Variants in SLC14A2 observed in about 807,000 individuals in gnomAD.
SLC14A2 encodes the protein urea transporter 2.
SLC14A2 carries 91 observed loss-of-function variants against 104.6 expected under a neutral mutation model. The observed-to-expected ratio is 0.87, with a 90% CI of 0.73 to 1.04. SLC14A2 has a LOEUF of 1.04. Among genes scored for constraint, SLC14A2 ranks in the 50% least tolerant of loss-of-function variants. The probability of loss-of-function intolerance (pLI) is 0.00; values close to 1 mark genes in which losing one functional copy is unlikely to be tolerated. For missense variants in SLC14A2, 1,189 were observed against 1,156.0 expected (o/e 1.03, Z -0.41); for synonymous variants, 476 against 466.4 (o/e 1.02, Z -0.27).
intron 1 of SLC14A2, among the ~76,000 whole-genome samples, chr18:45,222,587 G>A (rs1446072270): frequency 6.6e-6 from 1 of 152,124 alleles, no homozygotes; most frequent in Non-Finnish European, 1.5e-5. Context: ...AAGGAGGGAG[G>A]TCAGAGAGAA....
At position 45,644,902 on chromosome 18, in the gene SLC14A2, GGTTT is replaced by G. The variant is rs1178402082; in HGVS notation, c.1351+746_1351+749del. 4.6e-5 allele frequency among the ~76,000 whole-genome samples: 7 copies of G among 152,248 alleles called. No homozygotes were observed. In the South Asian group the frequency reaches 1.5e-3, roughly 32 times the overall value. The stretch of plus-strand genomic sequence containing the variant: ...CTGGGATACATGTGCAGAACATGCA[GGTTT>G]GTTATATAGGTATATATGTGCCATG... On this transcript the variant is annotated intron_variant, in intron 10 of 19. Transcript: ENST00000255226.
At chr18:45,447,887 A>G (rs1218694803) in intron 1 of SLC14A2, among the ~76,000 whole-genome samples, 2 of 152,258 alleles carry the variant, frequency 1.3e-5, no homozygotes, top group East Asian at 3.8e-4. Flanking sequence ...AAGAATTACC[A>G]CTTCAGTGAG....
Position 45,553,518 on chromosome 18 carries a change from G to C in SLC14A2, c.-35+70196G>C, listed in dbSNP as rs146986605. 2.2e-3 allele frequency among the ~76,000 whole-genome samples: 341 copies of C among 152,314 alleles called. 10 individuals carry two copies. The highest frequency in any genetic ancestry group is 0.019 in the Admixed American group (294 of 15,308). ...GTTGAGATTTGAAGAGTCAAGAACA[G>C]CTGGAGATTGTAAGCAAAATGCCTG... On this transcript the variant is annotated intron_variant, in intron 2 of 20. Coordinates refer to the SLC14A2 transcript ENST00000586448.
At chr18:45,323,465 G>A (rs1388458551) in intron 1 of SLC14A2, among the ~76,000 whole-genome samples, 2 of 152,168 alleles carry the variant, frequency 1.3e-5, no homozygotes, top group African/African-American at 4.8e-5. Context: ...GAAGACGAAA[G>A]AGAAATGGAG....
chr18:45,668,407 G>T lies in SLC14A2; in HGVS notation c.1966G>T (p.Ala656Ser), dbSNP rs145751449. Residue 656 changes from alanine (A) to serine (S), a missense_variant, in exon 15 of 20, where the codon GCC becomes TCC. Coordinates refer to ENST00000255226, the MANE Select transcript of SLC14A2 (RefSeq NM_007163.4). Reference protein sequence around the residue: ...YNGVLVGLLMAVFSDKGDYYW... With the variant: ...YNGVLVGLLMSVFSDKGDYYW... ...TGGGGTGCTGGTGGGGCTGCTGATG[G>T]CCGTGTTCTCAGACAAAGGTGACTA... 70 of 1,614,134 alleles carry T rather than the reference G, an allele frequency of 4.3e-5. No individual in the cohort carries two copies. In the African/African-American group the frequency reaches 8.1e-4, roughly 19 times the overall value.
intron 5 of SLC14A2, 133 bp downstream of exon 5, chr18:45,632,611 A>G (rs893267589): frequency 8.1e-6 from 7 of 861,200 alleles, no homozygotes; most frequent in Middle Eastern, 3.1e-4. Flanking sequence ...GTCTGACACC[A>G]TGAAAGCCCA....
chr18:45,218,390 C>T (rs1266913285), intron 1 of SLC14A2, among the ~76,000 whole-genome samples: 1 of 152,198 alleles, frequency 6.6e-6, no homozygotes, highest in Non-Finnish European at 1.5e-5. Context: ...GCATAGGCCA[C>T]ATTTTGTTTC....
In SLC14A2 at chr18:45,431,995, C is replaced by T. The variant is rs147304305; in HGVS notation, c.-124-51238C>T. Among the ~76,000 whole-genome samples, 193 of 152,270 alleles carry T rather than the reference C, an allele frequency of 1.3e-3. 1 individual carries two copies. Among genetic ancestry groups the T allele is most frequent in the African/African-American group, 4.2e-3 (173 of 41,546 alleles). On this transcript the variant is annotated intron_variant, in intron 1 of 20. Transcript: ENST00000586448. Reference sequence around the variant, plus strand: ...CAGTACAATGGCAGAACTGAGTACACACAACCCCTGGTTTATGTAGTCAAA... The same window carrying T: ...CAGTACAATGGCAGAACTGAGTACATACAACCCCTGGTTTATGTAGTCAAA...
intron 1 of SLC14A2, among the ~76,000 whole-genome samples, chr18:45,256,686 G>C (rs1001436990): frequency 6.6e-6 from 1 of 152,208 alleles, no homozygotes; most frequent in Non-Finnish European, 1.5e-5. Context: ...ATTCTGGAAG[G>C]TTCAAATCCA....
At chr18:45,423,526 T>G (rs1055828637) in intron 1 of SLC14A2, among the ~76,000 whole-genome samples, 11 of 152,146 alleles carry the variant, frequency 7.2e-5, no homozygotes, top group African/African-American at 2.4e-4. Flanking sequence ...ACCAGAGGGT[T>G]CCTTAGTGAG....
At chr18:45,416,473 CCAGT>C (rs1397328358) in intron 1 of SLC14A2, among the ~76,000 whole-genome samples, 1 of 152,078 alleles carries the variant, frequency 6.6e-6, no homozygotes, top group Non-Finnish European at 1.5e-5. Flanking sequence ...TTTTATTCCA[CCAGT>C]CAGAGTTAAT....
intron 1 of SLC14A2, among the ~76,000 whole-genome samples, chr18:45,478,493 A>T (rs1175830190): frequency 6.6e-6 from 1 of 152,180 alleles, no homozygotes; most frequent in East Asian, 1.9e-4. Context: ...CTTGATGGTA[A>T]CACAATTTGG....
chr18:45,443,286 C>T (rs1313577053), intron 1 of SLC14A2, among the ~76,000 whole-genome samples: 1 of 152,044 alleles, frequency 6.6e-6, no homozygotes, highest in Admixed American at 6.6e-5. Flanking sequence ...AATGAAGACC[C>T]AAAGATGCAG....
chr18:45,225,780 GCTCT>G (rs1363702214), intron 1 of SLC14A2, among the ~76,000 whole-genome samples: 1 of 152,010 alleles, frequency 6.6e-6, no homozygotes, highest in Admixed American at 6.6e-5. Context: ...TCATGATTTG[GCTCT>G]CTGTTTGTCT....
chr18:45,313,675 T>A (rs1054357309), intron 1 of SLC14A2, among the ~76,000 whole-genome samples: 4 of 152,208 alleles, frequency 2.6e-5, no homozygotes, highest in Non-Finnish European at 4.4e-5. Flanking sequence ...TCTATAGGGT[T>A]ATTATGACCA....
intron 2 of SLC14A2, among the ~76,000 whole-genome samples, chr18:45,601,920 G>C (rs1047568314): frequency 5.3e-5 from 8 of 152,226 alleles, no homozygotes; most frequent in African/African-American, 1.9e-4. Context: ...GGCAGGACTG[G>C]CTGAAAGATG....
At chr18:45,362,941 G>A (rs1023471420) in intron 1 of SLC14A2, among the ~76,000 whole-genome samples, 20 of 152,086 alleles carry the variant, frequency 1.3e-4, no homozygotes, top group African/African-American at 4.3e-4. Flanking sequence ...CATGAGACTG[G>A]AGCTCACTGG....
At chr18:45,564,593 G>T (rs879463707) in intron 2 of SLC14A2, among the ~76,000 whole-genome samples, 1 of 152,182 alleles carries the variant, frequency 6.6e-6, no homozygotes, top group Admixed American at 6.5e-5. Flanking sequence ...TTTCAAAGTG[G>T]CAGCATCAAT....
chr18:45,644,265 C>A, intron 10 of SLC14A2, 105 bp downstream of exon 10: 1 of 1,140,832 alleles, frequency 8.8e-7, no homozygotes, highest in Non-Finnish European at 1.3e-6. Context: ...CCTTCTTTGC[C>A]TCTCCTTGCA....
Sources: gnomAD v4.1 joint callset for allele counts (sites outside exome capture counted in the v4.1 genomes callset) on GRCh38, gnomAD v4.1.1 for gene constraint, MANE v1.5 for transcripts, NCBI Gene and HGNC (gene_info 2026-07-23, HGNC 2026-07-21) for gene names.